The following DPY19L1 variants were observed in gnomAD, a reference collection of about 807,000 sequenced individuals.
The protein encoded by DPY19L1 is dpy-19 like C-mannosyltransferase 1.
A neutral mutation model predicts 96.9 loss-of-function variants in DPY19L1; 35 were observed. The ratio of observed to expected loss-of-function variants is 0.36; its 90% CI spans 0.28 to 0.48. The LOEUF is 0.48. Among genes scored for constraint, DPY19L1 ranks in the 20% least tolerant of loss-of-function variants. DPY19L1 has a pLI of 0.99. For missense variants in DPY19L1, 521 were observed against 777.9 expected (o/e 0.67, Z 3.93); for synonymous variants, 205 against 252.6 (o/e 0.81, Z 1.79).
intron 7 of DPY19L1, among the ~76,000 whole-genome samples, chr7:34,987,085 T>G (rs1183991812): frequency 6.6e-6 from 1 of 152,040 alleles, no homozygotes; most frequent in Non-Finnish European, 1.5e-5. Context: ...ATTCAGGTTT[T>G]TCTTAATACA....
At chr7:34,985,656 CAAA>C (rs749501498) in intron 7 of DPY19L1, among the ~76,000 whole-genome samples, 2 of 151,726 alleles carry the variant, frequency 1.3e-5, no homozygotes, top group African/African-American at 2.4e-5. Flanking sequence ...AGGCTATTAT[CAAA>C]AAAGACAAAT....
At chr7:34,986,940 G>A (rs1460546799) in intron 7 of DPY19L1, among the ~76,000 whole-genome samples, 1 of 151,840 alleles carries the variant, frequency 6.6e-6, no homozygotes, top group African/African-American at 2.4e-5. Context: ...CTTTATATAT[G>A]TGAACATCTT....
At chr7:34,979,322 A>C (rs1442048369) in intron 7 of DPY19L1, among the ~76,000 whole-genome samples, 1 of 152,116 alleles carries the variant, frequency 6.6e-6, no homozygotes, top group African/African-American at 2.4e-5. Context: ...AAGGTTATCA[A>C]CATAACCAAA....
chr7:34,974,386 T>A (rs1474819812), intron 7 of DPY19L1, among the ~76,000 whole-genome samples: 1 of 152,178 alleles, frequency 6.6e-6, no homozygotes, highest in East Asian at 1.9e-4. Context: ...CTAAAAAGAT[T>A]CCACAGAATG....
At chr7:34,968,685 G>A (rs182962736) in intron 9 of DPY19L1, among the ~76,000 whole-genome samples, 11 of 138,838 alleles carry the variant, frequency 7.9e-5, no homozygotes, top group Admixed American at 4.1e-4. Context: ...CAGGAGAATC[G>A]CTTGAACCCA....
At chr7:34,972,003 T>A (rs1206283828) in intron 8 of DPY19L1, among the ~76,000 whole-genome samples, 1 of 152,166 alleles carries the variant, frequency 6.6e-6, no homozygotes, top group Non-Finnish European at 1.5e-5. Context: ...ACAGGGTACT[T>A]AAAAGCAGAA....
At chr7:34,939,038 T>C (rs1164193578) in intron 20 of DPY19L1, 1 of 387,626 alleles carries the variant, frequency 2.6e-6, no homozygotes, top group African/African-American at 2.1e-5. Flanking sequence ...ATAGTATGAC[T>C]TCGTTTATAT....
At chr7:35,029,183 G>T (rs752323030) in intron 1 of DPY19L1, among the ~76,000 whole-genome samples, 18 of 152,110 alleles carry the variant, frequency 1.2e-4, no homozygotes, top group Non-Finnish European at 1.5e-4. Context: ...GCTCTGATTC[G>T]AATGACTTTG....
At chr7:34,937,011 C>T (rs1783882276) in intron 21 of DPY19L1, among the ~76,000 whole-genome samples, 1 of 152,154 alleles carries the variant, frequency 6.6e-6, no homozygotes, top group Non-Finnish European at 1.5e-5. Flanking sequence ...GTGTTTATTT[C>T]TGATAAAATT....
intron 21 of DPY19L1, among the ~76,000 whole-genome samples, chr7:34,934,427 C>A (rs930680227): frequency 1.9e-4 from 29 of 152,168 alleles, no homozygotes; most frequent in Admixed American, 5.2e-4. Context: ...TTAAAAGCTG[C>A]TAGTTCTCAT....
chr7:35,018,003 C>T (rs1039698793), intron 2 of DPY19L1, 34 bp from the exon 3 acceptor site: 1 of 1,447,498 alleles, frequency 6.9e-7, no homozygotes, highest in Admixed American at 2.0e-5. Context: ...AGTGTTAAAA[C>T]TTACACTCTA....
chr7:35,031,756 C>A (rs1399301197), intron 1 of DPY19L1, among the ~76,000 whole-genome samples: 1 of 152,074 alleles, frequency 6.6e-6, no homozygotes, highest in Non-Finnish European at 1.5e-5. Context: ...ATGAGCATCA[C>A]ATATTCAGAA....
At chr7:34,978,763 T>C (rs1683261316) in intron 7 of DPY19L1, among the ~76,000 whole-genome samples, 1 of 152,102 alleles carries the variant, frequency 6.6e-6, no homozygotes, top group South Asian at 2.1e-4. Flanking sequence ...TTTTGGAATA[T>C]TTGCATTTTA....
Position 35,037,279 on chromosome 7 carries a change from C to A in DPY19L1, c.116G>T (p.Gly39Val), listed in dbSNP as rs1786450528. 1 of 329,492 alleles carries A rather than the reference C, an allele frequency of 3.0e-6. No individual in the cohort carries two copies. The allele number at this position is 329,492 out of a possible 1,614,324, so 20.4% of individuals were successfully genotyped here. A position where few individuals can be genotyped will look rare whatever the true frequency, so the allele number is the denominator to read the frequency against. The change falls in exon 1 of 22, where the codon GGG becomes GTG. Residue 39 changes from glycine to valine, a missense_variant. Transcript: ENST00000638088. ...GASDVGAGEP[G>V]PERAPLSPGR... ...CGGGGACAGGGGCGCGCGCTCGGGC[C>A]CCGGCTCCCCGGCGCCGACGTCCGA...
chr7:34,949,415 A>T (rs1562803020), intron 14 of DPY19L1, among the ~76,000 whole-genome samples: 1 of 152,186 alleles, frequency 6.6e-6, no homozygotes, highest in Non-Finnish European at 1.5e-5. Context: ...ATGCTGTTGG[A>T]ATGAAAAGCT....
At chr7:35,029,050 T>G (rs1216832754) in intron 1 of DPY19L1, among the ~76,000 whole-genome samples, 1 of 152,232 alleles carries the variant, frequency 6.6e-6, no homozygotes, top group Non-Finnish European at 1.5e-5. Context: ...AGCAGGGTCT[T>G]TGTGACCTGT....
At chr7:35,037,506 G>T (rs1786461299), upstream of DPY19L1, 1 of 314,980 alleles carries the variant, frequency 3.2e-6, no homozygotes, top group Non-Finnish European at 5.8e-6. Context: ...CGGGCGGAGG[G>T]TGGAGGGCGG....
At chr7:34,945,265 T>C (rs1784119741) in intron 16 of DPY19L1, among the ~76,000 whole-genome samples, 1 of 152,162 alleles carries the variant, frequency 6.6e-6, no homozygotes, top group Admixed American at 6.5e-5. Flanking sequence ...CATAATTCTC[T>C]GGTTCATCTG....
rs1220483885 is a variant in DPY19L1, at chr7:34,929,152, T to G, written c.*2421A>C. On this transcript the variant is annotated 3_prime_UTR_variant, in exon 22 of 22. Coordinates refer to ENST00000638088, the MANE Select transcript of DPY19L1 (RefSeq NM_001366673.1). Reference sequence around the variant, plus strand: ...TGATCGCTTCTTTGCCCATCCTTACTTTCCTCATACTAAAGCAAAAATATT... The same window carrying G: ...TGATCGCTTCTTTGCCCATCCTTACGTTCCTCATACTAAAGCAAAAATATT... 1 of 152,256 alleles carries G rather than the reference T, an allele frequency of 6.6e-6. No homozygotes were observed. Among genetic ancestry groups the G allele is most frequent in the African/African-American group, 2.4e-5 (1 of 41,462 alleles). The allele number at this position is 152,256 out of a possible 1,614,324, so 9.4% of individuals were successfully genotyped here.
Sources: gnomAD v4.1 joint callset for allele counts (sites outside exome capture counted in the v4.1 genomes callset) on GRCh38, gnomAD v4.1.1 for gene constraint, MANE v1.5 for transcripts, NCBI Gene and HGNC (gene_info 2026-07-23, HGNC 2026-07-21) for gene names.